SCOC: variants seen among roughly 807,000 people sequenced by gnomAD.
The protein encoded by SCOC is short coiled-coil protein.
In SCOC, 7 loss-of-function variants were observed where a neutral mutation model predicts 9.9. The ratio of observed to expected loss-of-function variants is 0.71; its 90% CI spans 0.40 to 1.33. SCOC has a LOEUF of 1.33. Among genes scored for constraint, SCOC ranks in the 40% most tolerant of loss-of-function variants. SCOC has a pLI of 0.01. For synonymous variants in SCOC, 19 were observed against 28.2 expected (o/e 0.67, Z 1.03); for missense variants, 66 against 89.7 (o/e 0.74, Z 1.07).
Position 140,366,511 on chromosome 4 carries a change from C to T in SCOC, c.71-12610C>T, listed in dbSNP as rs111328499. ...AACTTCATTCTTGATTATTCTGTTCCTCATTGCCTTCATAACTTTAAAATG... is the reference window on the plus strand; with the variant it reads ...AACTTCATTCTTGATTATTCTGTTCTTCATTGCCTTCATAACTTTAAAATG... On this transcript the variant is annotated intron_variant, in intron 2 of 4. Transcript: ENST00000338517. 4.6e-3 allele frequency: 7,135 copies of T among 1,564,980 alleles called. 363 individuals are homozygous for T. The Admixed American group carries it at 0.097, about 21-fold the overall frequency.
At chr4:140,374,219 C>T (rs1029615259) in intron 1 of SCOC, 36 of 454,830 alleles carry the variant, frequency 7.9e-5, no homozygotes, top group African/African-American at 6.2e-4. Context: ...AAAGCGGCAC[C>T]TGGGTTTGTT....
chr4:140,276,260 A>T (rs4526054), intron 1 of SCOC, among the ~76,000 whole-genome samples: 2 of 151,598 alleles, frequency 1.3e-5, no homozygotes, highest in African/African-American at 4.9e-5. Context: ...CCTCAGCCTC[A>T]CAAAGTGCTG....
At chr4:140,321,466 T>A (rs1380924422) in intron 1 of SCOC, among the ~76,000 whole-genome samples, 1 of 152,100 alleles carries the variant, frequency 6.6e-6, no homozygotes, top group Non-Finnish European at 1.5e-5. Context: ...ATCAGATAGA[T>A]AAGTTCAACA....
chr4:140,360,353 T>C (rs925150051), intron 2 of SCOC, among the ~76,000 whole-genome samples: 2 of 152,076 alleles, frequency 1.3e-5, no homozygotes, highest in Admixed American at 1.3e-4. Context: ...CTAAGTGGCA[T>C]TCACGGTGTC....
At position 140,373,676 on chromosome 4, in the gene SCOC, T is replaced by C; in HGVS notation, c.-92T>C. The C allele has an allele frequency of 6.4e-7, 1 of 1,550,860 alleles. No homozygotes were observed. Among genetic ancestry groups the C allele is most frequent in the Non-Finnish European group, 8.7e-7 (1 of 1,146,900 alleles). ...TTGGTCCAAGTGTCCCGGCCTGAGG[T>C]GTCGGCCGGATCCCTCCTTCTCCCG... On this transcript the variant is annotated 5_prime_UTR_variant, in exon 1 of 4. Transcript: ENST00000608372.
At chr4:140,373,804 C>T (rs2126587495) in intron 1 of SCOC, 87 bp downstream of exon 1, 3 of 1,379,948 alleles carry the variant, frequency 2.2e-6, no homozygotes, top group Non-Finnish European at 2.0e-6. Flanking sequence ...GAGGGCGGGG[C>T]GGGCTGGACG....
rs1208386996 is a variant in SCOC, at chr4:140,337,789, TG to T, written c.-18-5831del. Among the ~76,000 whole-genome samples, 11 of 152,268 alleles carry T rather than the reference TG, an allele frequency of 7.2e-5. No homozygotes were observed. The East Asian group carries it at 1.9e-3, about 27-fold the overall frequency. ...CTCTGAATAGACCAATAACAGGCTC[TG>T]AAATTGAGACAAATAATAGCTTACC... is the stretch of plus-strand genomic sequence containing the variant. On this transcript the variant is annotated intron_variant, in intron 1 of 4. Coordinates refer to the SCOC transcript ENST00000394205.
At chr4:140,352,299 A>G (rs1475520801) in intron 2 of SCOC, among the ~76,000 whole-genome samples, 2 of 152,228 alleles carry the variant, frequency 1.3e-5, no homozygotes, top group Admixed American at 1.3e-4. Context: ...GCAATGGCAA[A>G]AAGTTTCAGC....
intron 1 of SCOC, among the ~76,000 whole-genome samples, chr4:140,316,714 C>T (rs1732330913): frequency 6.6e-6 from 1 of 152,110 alleles, no homozygotes; most frequent in Non-Finnish European, 1.5e-5. Context: ...CAATTGAGGG[C>T]ATGCTGAATC....
At chr4:140,303,530 C>G (rs1236313424) in intron 1 of SCOC, among the ~76,000 whole-genome samples, 1 of 152,190 alleles carries the variant, frequency 6.6e-6, no homozygotes, top group Non-Finnish European at 1.5e-5. Flanking sequence ...CCTGATCTAT[C>G]TCTTTCCTTT....
At chr4:140,320,192 CGAAGAGT>C (rs1560699559) in intron 1 of SCOC, among the ~76,000 whole-genome samples, 25 of 152,120 alleles carry the variant, frequency 1.6e-4, no homozygotes, top group African/African-American at 5.8e-4. Context: ...AAGATGGCCA[CGAAGAGT>C]AACCTCTGGT....
chr4:140,377,858 CAA>C (rs1161072144), intron 1 of SCOC, among the ~76,000 whole-genome samples: 1 of 152,120 alleles, frequency 6.6e-6, no homozygotes, highest in South Asian at 2.1e-4. Context: ...GGAGGCATAA[CAA>C]TGCCTTGGGC....
chr4:140,345,745 A>G (rs1014970064), intron 2 of SCOC, among the ~76,000 whole-genome samples: 29 of 152,300 alleles, frequency 1.9e-4, no homozygotes, highest in Non-Finnish European at 4.1e-4. Flanking sequence ...ACATGTGTAC[A>G]TATACATATA....
At chr4:140,295,587 G>A (rs1166703546) in intron 1 of SCOC, among the ~76,000 whole-genome samples, 1 of 152,192 alleles carries the variant, frequency 6.6e-6, no homozygotes, top group African/African-American at 2.4e-5. Context: ...GGCCCCGCCT[G>A]CTGGCTGGGC....
intron 2 of SCOC, among the ~76,000 whole-genome samples, chr4:140,365,310 T>C (rs1727743920): frequency 6.6e-6 from 1 of 152,000 alleles, no homozygotes; most frequent in Non-Finnish European, 1.5e-5. Context: ...CAGTGCCACA[T>C]GATGAGAAAG....
chr4:140,293,173 A>G (rs1428168692), intron 1 of SCOC: 1 of 400,388 alleles, frequency 2.5e-6, no homozygotes, highest in Non-Finnish European at 5.0e-6. Flanking sequence ...ATGCAAAGCC[A>G]TTCTCCCCCA....
intron 1 of SCOC, among the ~76,000 whole-genome samples, chr4:140,268,905 G>A (rs1050403649): frequency 2.6e-5 from 4 of 152,158 alleles, no homozygotes; most frequent in Non-Finnish European, 5.9e-5. Flanking sequence ...TAATGAACGT[G>A]CAATAGGGAA....
chr4:140,346,949 A>G (rs1726765779), intron 2 of SCOC, among the ~76,000 whole-genome samples: 1 of 152,132 alleles, frequency 6.6e-6, no homozygotes, highest in Admixed American at 6.6e-5. Flanking sequence ...GTATCTTTCA[A>G]TGACATCATC....
chr4:140,346,057 G>C (rs543430641), intron 2 of SCOC, among the ~76,000 whole-genome samples: 1 of 152,274 alleles, frequency 6.6e-6, no homozygotes, highest in African/African-American at 2.4e-5. Flanking sequence ...TCTCCAGGAA[G>C]TGATAGAGCC....
Sources: allele counts gnomAD v4.1 joint callset (sites outside exome capture counted in the v4.1 genomes callset), GRCh38; gene constraint gnomAD v4.1.1; transcripts MANE v1.5; gene names NCBI Gene and HGNC (gene_info 2026-07-23, HGNC 2026-07-21).